Variants in H2AZ2 observed in about 807,000 individuals in gnomAD.
The protein encoded by H2AZ2 is histone H2A.V.
H2AZ2 carries 5 observed loss-of-function variants against 15.5 expected under a neutral mutation model. The observed-to-expected ratio is 0.32, with a 90% CI of 0.17 to 0.68. The LOEUF (loss-of-function observed/expected upper bound fraction) is 0.68, where lower values mean the gene tolerates loss of function less well. Ranked by LOEUF, H2AZ2 falls within the 30% of genes least tolerant of loss-of-function variation. H2AZ2 has a pLI of 0.72. For missense variants in H2AZ2, 42 were observed against 162.5 expected (o/e 0.26, Z 4.03); for synonymous variants, 44 against 57.4 (o/e 0.77, Z 1.05).
downstream of H2AZ2, among the ~76,000 whole-genome samples, chr7:44,831,535 C>CA (rs973072437): frequency 6.6e-6 from 1 of 151,778 alleles, no homozygotes; most frequent in Non-Finnish European, 1.5e-5. Flanking sequence ...TGCACTCCCC[C>CA]CCCCGCTTCT....
rs79417609 is a variant in H2AZ2, at chr7:44,841,144, C to T, written c.82-132G>A. ...CACATATCAGAAGCCAAACCTATTA[C>T]GCATCAATAGTTCCCAGGGCCTGTG... is the stretch of plus-strand genomic sequence containing the variant. On this transcript the variant is annotated intron_variant, in intron 2 of 4. Transcript: ENST00000308153. The T allele has an allele frequency of 3.3e-3, 2,082 of 632,728 alleles. 43 individuals carry two copies. In the East Asian group the frequency reaches 0.039, roughly 12 times the overall value. 39.2% of individuals were successfully genotyped at this position (632,728 alleles called of 1,614,324 possible).
In H2AZ2 at chr7:44,847,961, G is replaced by A. The variant is rs1479043550; in HGVS notation, c.3+8C>T. On this transcript the variant is annotated splice_region_variant and intron_variant, in intron 1 of 4. Coordinates refer to ENST00000308153, the MANE Select transcript of H2AZ2 (RefSeq NM_012412.5). ...CCCCGTGCCCCCGGCCCACCCGGCCGCCCTTACCATGTTCTCGGCGCCGAC... is the reference window on the plus strand; with the variant it reads ...CCCCGTGCCCCCGGCCCACCCGGCCACCCTTACCATGTTCTCGGCGCCGAC... 10 of 1,484,158 alleles carry A rather than the reference G, an allele frequency of 6.7e-6. No individual in the cohort carries two copies. Among genetic ancestry groups the A allele is most frequent in the South Asian group, 5.1e-5 (4 of 77,814 alleles). The allele number at this position is 1,484,158 out of a possible 1,614,324, so 91.9% of individuals were successfully genotyped here.
Position 44,843,331 on chromosome 7 carries a change from G to T in H2AZ2, c.27C>A (p.Asp9Glu). The T allele has an allele frequency of 6.2e-7, 1 of 1,612,546 alleles. No homozygotes were observed. The highest frequency in any genetic ancestry group is 8.5e-7 in the Non-Finnish European group (1 of 1,179,504). MAGGKAGK[D>E]SGKAKAKAVS... is the part of the protein sequence containing the mutation. ...CTGCCTTAGCCTTGGCCTTCCCACTGTCCTTTCCAGCTTTGCCTCCAGCCT... is the reference window on the plus strand; with the variant it reads ...CTGCCTTAGCCTTGGCCTTCCCACTTTCCTTTCCAGCTTTGCCTCCAGCCT... Residue 9 changes from aspartate (D) to glutamate (E), a missense_variant, in exon 2 of 5, where the codon GAC becomes GAA. By Grantham distance (45) the Asp-to-Glu change is conservative (BLOSUM62 2). Transcript: ENST00000308153.
In H2AZ2 at chr7:44,831,999, T is replaced by C. The variant is rs759832648; in HGVS notation, c.*2502A>G. 2.0e-5 allele frequency among the ~76,000 whole-genome samples: 3 copies of C among 152,152 alleles called. No homozygotes were observed. Among genetic ancestry groups the C allele is most frequent in the Non-Finnish European group, 4.4e-5 (3 of 68,036 alleles). On this transcript the variant is annotated 3_prime_UTR_variant, in exon 5 of 5. Coordinates refer to ENST00000308153, the MANE Select transcript of H2AZ2 (RefSeq NM_012412.5). ...GAAGCCCTCTAGATCTGTCAGTTTATAGAACATATAGGGGACAGAAAAGGT... is the reference window on the plus strand; with the variant it reads ...GAAGCCCTCTAGATCTGTCAGTTTACAGAACATATAGGGGACAGAAAAGGT...
intron 4 of H2AZ2, 127 bp downstream of exon 4, chr7:44,835,402 T>A (rs571691407): frequency 5.8e-5 from 37 of 640,884 alleles, no homozygotes; most frequent in Non-Finnish European, 7.9e-5. Context: ...TGTTATAGAT[T>A]TAGTATTTAT....
intron 1 of H2AZ2, among the ~76,000 whole-genome samples, chr7:44,846,210 C>T (rs924501997): frequency 1.3e-5 from 2 of 152,132 alleles, no homozygotes; most frequent in Admixed American, 1.3e-4. Flanking sequence ...CTATCAAGAA[C>T]GACAACTCAA....
At chr7:44,831,306 T>C (rs1301554998), downstream of H2AZ2, among the ~76,000 whole-genome samples, 2 of 152,200 alleles carry the variant, frequency 1.3e-5, no homozygotes, top group Non-Finnish European at 2.9e-5. Context: ...AGACTGATCA[T>C]AACTGTGAGA....
chr7:44,846,056 CACACACA>C (rs1793393758), intron 1 of H2AZ2, among the ~76,000 whole-genome samples: 1 of 91,718 alleles, frequency 1.1e-5, no homozygotes. Flanking sequence ...CACACACACA[CACACACA>C]GAGAGAGACA....
In H2AZ2 at chr7:44,833,380, G is replaced by C. The variant is rs1048090546; in HGVS notation, c.*1121C>G. Reference sequence around the variant, plus strand: ...CCTGAGTAGCTGGGACTACAGGCGCGTGCCACCACACCCGGCTAATTTTTT... The same window carrying C: ...CCTGAGTAGCTGGGACTACAGGCGCCTGCCACCACACCCGGCTAATTTTTT... On this transcript the variant is annotated 3_prime_UTR_variant, in exon 5 of 5. Transcript: ENST00000308153. Among the ~76,000 whole-genome samples the C allele has an allele frequency of 1.3e-5, 2 of 151,994 alleles. No homozygotes were observed. Among genetic ancestry groups the C allele is most frequent in the East Asian group, 1.9e-4 (1 of 5,178 alleles).
rs1482039552 is a variant in H2AZ2, at chr7:44,832,682, C to T, written c.*1819G>A. On this transcript the variant is annotated 3_prime_UTR_variant, in exon 5 of 5. Coordinates refer to ENST00000308153, the MANE Select transcript of H2AZ2 (RefSeq NM_012412.5). ...AGTTACTTAGCGCAGGGCATGGTGG[C>T]TTATGCCTATAATCCCAGTACTTTG... Among the ~76,000 whole-genome samples, 1 of 152,186 alleles carries T rather than the reference C, an allele frequency of 6.6e-6. No individual in the cohort carries two copies. Among genetic ancestry groups the T allele is most frequent in the Non-Finnish European group, 1.5e-5 (1 of 68,030 alleles).
intron 3 of H2AZ2, among the ~76,000 whole-genome samples, chr7:44,837,289 G>GTGGTT (rs1429365881): frequency 6.6e-6 from 1 of 151,278 alleles, no homozygotes; most frequent in African/African-American, 2.4e-5. Flanking sequence ...AAGGTGTGGT[G>GTGGTT]GCACACGCCT....
intron 1 of H2AZ2, among the ~76,000 whole-genome samples, chr7:44,846,024 T>TACACACACACACACAC (rs10573522): frequency 2.3e-3 from 303 of 132,756 alleles, no homozygotes; most frequent in Middle Eastern, 7.6e-3. Context: ...TTTAAAAAAT[T>TACACACACACACACAC]ACACACACAC....
intron 1 of H2AZ2, among the ~76,000 whole-genome samples, chr7:44,844,459 T>G (rs1328376489): frequency 6.6e-6 from 1 of 152,208 alleles, no homozygotes; most frequent in Non-Finnish European, 1.5e-5. Context: ...GTTCAAGTGA[T>G]TCTCCTGCCT....
intron 3 of H2AZ2, among the ~76,000 whole-genome samples, chr7:44,839,396 G>A (rs1302428526): frequency 6.6e-6 from 1 of 152,024 alleles, no homozygotes; most frequent in African/African-American, 2.4e-5. Context: ...TAAAAAATAG[G>A]CTGGGCGCGG....
chr7:44,830,266 G>A, downstream of H2AZ2: 5 of 1,121,244 alleles, frequency 4.5e-6, no homozygotes, highest in South Asian at 6.8e-5. Flanking sequence ...CAAGTAAAAT[G>A]TTAACTATAG....
intron 3 of H2AZ2, among the ~76,000 whole-genome samples, chr7:44,840,641 C>T (rs950631196): frequency 2.0e-5 from 3 of 152,034 alleles, no homozygotes; most frequent in Non-Finnish European, 4.4e-5. Flanking sequence ...CACAGTGGTG[C>T]ACACCTGTAG....
downstream of H2AZ2, chr7:44,830,314 C>G: frequency 1.4e-6 from 1 of 728,232 alleles, no homozygotes; most frequent in Non-Finnish European, 2.1e-6. Context: ...TGGATAACTA[C>G]TGGAACTTTT....
chr7:44,846,909 C>T (rs569030840), intron 1 of H2AZ2, among the ~76,000 whole-genome samples: 4 of 151,596 alleles, frequency 2.6e-5, no homozygotes, highest in Non-Finnish European at 5.9e-5. Flanking sequence ...AAGTCTATTC[C>T]AGCTCTAAGA....
At chr7:44,847,040 C>G (rs1308312222) in intron 1 of H2AZ2, among the ~76,000 whole-genome samples, 1 of 152,200 alleles carries the variant, frequency 6.6e-6, no homozygotes, top group South Asian at 2.1e-4. Context: ...TCATCTAATA[C>G]TATCTGCAGT....
Sources: gnomAD v4.1 joint callset for allele counts (sites outside exome capture counted in the v4.1 genomes callset) on GRCh38, gnomAD v4.1.1 for gene constraint, MANE v1.5 for transcripts, NCBI Gene and HGNC (gene_info 2026-07-23, HGNC 2026-07-21) for gene names.